Variants in RIC3 observed in about 807,000 individuals in gnomAD.
The protein encoded by RIC3 is protein RIC-3.
RIC3 carries 28 observed loss-of-function variants against 27.3 expected under a neutral mutation model. That is an observed-to-expected ratio of 1.02 (90% CI 0.76 to 1.41). RIC3 has a LOEUF of 1.41. RIC3 is among the 40% of genes most tolerant of loss of function. The pLI is 0.00. For missense variants in RIC3, 501 were observed against 444.7 expected, an observed-to-expected ratio of 1.13 and a Z score of -1.14; for synonymous variants, 184 against 160.4, an observed-to-expected ratio of 1.15 and a Z score of -1.11.
chr11:8,132,420 A>G (rs58468974), intron 4 of RIC3, among the ~76,000 whole-genome samples: 10,903 of 152,222 alleles, frequency 0.072, 443 homozygotes, highest in South Asian at 0.11. Context: ...GGGGGAAGAG[A>G]GGACCAAAAT....
chr11:8,130,371 T>C (rs1246012289), intron 4 of RIC3, among the ~76,000 whole-genome samples: 3 of 152,202 alleles, frequency 2.0e-5, no homozygotes, highest in Non-Finnish European at 2.9e-5. Flanking sequence ...GAGGAGACTT[T>C]CCCTTTGTTC....
rs78469037 is a variant in RIC3 at position 8,157,949 on chromosome 11, C to T, written c.124+10917G>A. 6.3e-3 allele frequency among the ~76,000 whole-genome samples: 957 copies of T among 152,192 alleles called. 12 individuals are homozygous for T. The highest frequency in any genetic ancestry group is 0.022 in the African/African-American group (931 of 41,510). On this transcript the variant is annotated intron_variant, in intron 1 of 5. Transcript: ENST00000309737. ...CCATAATACATGAACAGGAAAATGA[C>T]CCTCTGAAATCAAAATGATTTCCTA...
downstream of RIC3, chr11:8,102,045 G>C (rs1944329847): frequency 5.3e-6 from 1 of 187,554 alleles, no homozygotes; most frequent in African/African-American, 2.3e-5. Flanking sequence ...ACTCCAGCAG[G>C]TAGGGGCACA....
At chr11:8,159,830 A>C (rs1951014161) in intron 1 of RIC3, among the ~76,000 whole-genome samples, 1 of 152,078 alleles carries the variant, frequency 6.6e-6, no homozygotes, top group Non-Finnish European at 1.5e-5. Context: ...GTCTCTACTA[A>C]AAATACAAAA....
At chr11:8,098,625 A>G in the RIC3 span, 1 of 662,888 alleles carries the variant, frequency 1.5e-6, no homozygotes, top group Non-Finnish European at 2.7e-6. Flanking sequence ...TTCAGTGAGC[A>G]GTATGCCTCC....
rs915536267 is a variant in RIC3 at position 8,108,311 on chromosome 11, G to C, written c.*2387C>G. The C allele has an allele frequency of 1.3e-5, 2 of 152,108 alleles. No homozygotes were observed. Among genetic ancestry groups the C allele is most frequent in the Non-Finnish European group, 2.9e-5 (2 of 68,008 alleles). 9.4% of individuals were successfully genotyped at this position (152,108 alleles called of 1,614,324 possible). On this transcript the variant is annotated 3_prime_UTR_variant, in exon 6 of 6. Transcript: ENST00000309737. ...GTCCTCTCTTCTTTGCCTACCTGAA[G>C]AAGTTCTTTGCATGCCTCAAGGCCC...
At chr11:8,141,675 G>A (rs1269933075) in intron 1 of RIC3, among the ~76,000 whole-genome samples, 1 of 151,946 alleles carries the variant, frequency 6.6e-6, no homozygotes, top group Non-Finnish European at 1.5e-5. Flanking sequence ...GCACCAAGTG[G>A]ACCTAATAGA....
At chr11:8,134,478 C>G (rs111847622) in intron 4 of RIC3, among the ~76,000 whole-genome samples, 2 of 152,118 alleles carry the variant, frequency 1.3e-5, no homozygotes, top group Non-Finnish European at 2.9e-5. Context: ...GTCTTTATAG[C>G]AGCATGATTT....
chr11:8,123,857 G>T (rs1412881808), intron 5 of RIC3, among the ~76,000 whole-genome samples: 4 of 151,048 alleles, frequency 2.6e-5, no homozygotes, highest in Non-Finnish European at 5.9e-5. Flanking sequence ...ATGAGTAGCT[G>T]GGCCTACAGG....
the RIC3 span, chr11:8,097,439 G>T: frequency 4.3e-6 from 7 of 1,614,204 alleles, no homozygotes; most frequent in South Asian, 7.7e-5. Flanking sequence ...AGGTTGGTCT[G>T]GGCATGTTAT....
chr11:8,156,671 T>C (rs1950684644), intron 1 of RIC3, among the ~76,000 whole-genome samples: 1 of 152,178 alleles, frequency 6.6e-6, no homozygotes, highest in South Asian at 2.1e-4. Context: ...CCTATGCTTA[T>C]CCTCCAGTGG....
intron 2 of RIC3, chr11:8,139,031 C>T (rs1037429305): frequency 3.3e-5 from 5 of 152,218 alleles, no homozygotes; most frequent in Non-Finnish European, 7.3e-5. Flanking sequence ...GTGAGTGTAC[C>T]CTTTCTGCAG....
chr11:8,109,203 A>C lies in RIC3; in HGVS notation c.*1495T>G, dbSNP rs975683063. 3 of 152,222 alleles carry C rather than the reference A, an allele frequency of 2.0e-5. No homozygotes were observed. Among genetic ancestry groups the C allele is most frequent in the Non-Finnish European group, 4.4e-5 (3 of 68,036 alleles). The allele number at this position is 152,222 out of a possible 1,614,324, so 9.4% of individuals were successfully genotyped here. A position where few individuals can be genotyped will look rare whatever the true frequency, so the allele number is the denominator to read the frequency against. Reference sequence around the variant, plus strand: ...ACAGCAGTCTGTATGCTGATGTATAATTTTAAACTGTTTTCCTGGCACCTT... The same window carrying C: ...ACAGCAGTCTGTATGCTGATGTATACTTTTAAACTGTTTTCCTGGCACCTT... On this transcript the variant is annotated 3_prime_UTR_variant, in exon 6 of 6. Coordinates refer to ENST00000309737, the MANE Select transcript of RIC3 (RefSeq NM_001206671.4).
At chr11:8,138,419 C>CAAA in intron 2 of RIC3, 72 bp from the exon 3 acceptor site, 3 of 602,314 alleles carry the variant, frequency 5.0e-6, no homozygotes, top group South Asian at 6.2e-5. Flanking sequence ...TCATATCAAA[C>CAAA]AAAAAAAAAA....
chr11:8,164,582 C>G (rs756058685), intron 1 of RIC3, among the ~76,000 whole-genome samples: 1 of 151,778 alleles, frequency 6.6e-6, no homozygotes, highest in African/African-American at 2.4e-5. Context: ...TCAAGACCAG[C>G]CTGGGAAATA....
chr11:8,117,652 G>A (rs115025850), intron 5 of RIC3, among the ~76,000 whole-genome samples: 2 of 152,136 alleles, frequency 1.3e-5, no homozygotes, highest in African/African-American at 4.8e-5. Context: ...GTTAATAACA[G>A]TATGTTGTAT....
At chr11:8,125,046 G>A (rs1236205816) in intron 5 of RIC3, among the ~76,000 whole-genome samples, 1 of 152,034 alleles carries the variant, frequency 6.6e-6, no homozygotes, top group Non-Finnish European at 1.5e-5. Context: ...AAGGTCAGGA[G>A]ATCAAGACCA....
chr11:8,124,593 AT>A (rs1333631798), intron 5 of RIC3, among the ~76,000 whole-genome samples: 1 of 152,216 alleles, frequency 6.6e-6, no homozygotes, highest in African/African-American at 2.4e-5. Context: ...GGGAAAAAAA[AT>A]CTGAACAACT....
At position 8,164,781 on chromosome 11, in the gene RIC3, CAAAAAAAAAAAAA is replaced by C. The variant is rs199958835; in HGVS notation, c.124+4072_124+4084del. ...CACCAGAGTGAGACCCTGTCTCTCT[CAAAAAAAAAAAAA>C]AAAAAAAAAAAAAGACAAGTAATCT... On this transcript the variant is annotated intron_variant, in intron 1 of 5. Transcript: ENST00000309737. 6.3e-3 allele frequency among the ~76,000 whole-genome samples: 531 copies of C among 84,248 alleles called. 2 individuals carry two copies. Among genetic ancestry groups the C allele is most frequent in the Non-Finnish European group, 0.01 (381 of 36,374 alleles). 55.3% of individuals were successfully genotyped at this position (84,248 alleles called of 152,430 possible). A position where few individuals can be genotyped will look rare whatever the true frequency, so the allele number is the denominator to read the frequency against.
Sources: gnomAD v4.1 joint callset for allele counts (sites outside exome capture counted in the v4.1 genomes callset) on GRCh38, gnomAD v4.1.1 for gene constraint, MANE v1.5 for transcripts, NCBI Gene and HGNC (gene_info 2026-07-23, HGNC 2026-07-21) for gene names.